The following NRXN1 variants were observed in gnomAD, a reference collection of about 807,000 sequenced individuals.
NRXN1 encodes neurexin 1.
Under a neutral mutation model 150.9 loss-of-function variants are expected in NRXN1, and 39 were observed. The observed-to-expected ratio is 0.26, with a 90% confidence interval of 0.20 to 0.34. NRXN1 has a LOEUF of 0.34. NRXN1 is among the 10% of genes least tolerant of loss of function. NRXN1 has a pLI of 1.00. For missense variants in NRXN1, 1,815 were observed against 1,949.9 expected (o/e 0.93, Z 1.30); for synonymous variants, 924 against 757.0 (o/e 1.22, Z -3.62).
At chr2:50,437,225 C>A (rs767934156) in intron 17 of NRXN1, among the ~76,000 whole-genome samples, 1 of 152,218 alleles carries the variant, frequency 6.6e-6, no homozygotes, top group South Asian at 2.1e-4. Context: ...ACACACTAGA[C>A]CTGCTCAAAT....
intron 5 of NRXN1, among the ~76,000 whole-genome samples, chr2:50,863,789 T>C (rs1676481951): frequency 6.6e-6 from 1 of 151,988 alleles, no homozygotes; most frequent in East Asian, 1.9e-4. Context: ...GAAACCCTAG[T>C]CAGACATTAA....
intron 21 of NRXN1, among the ~76,000 whole-genome samples, chr2:50,013,511 C>G (rs550505626): frequency 2.0e-5 from 3 of 151,956 alleles, no homozygotes; most frequent in Admixed American, 6.6e-5. Flanking sequence ...TAGCACCACA[C>G]GCTAATTGAT....
At chr2:50,203,691 G>A (rs866532256) in intron 18 of NRXN1, among the ~76,000 whole-genome samples, 2 of 151,990 alleles carry the variant, frequency 1.3e-5, no homozygotes, top group African/African-American at 4.8e-5. Context: ...CAGCTTTGTG[G>A]GCAGAAGAAA....
intron 17 of NRXN1, among the ~76,000 whole-genome samples, chr2:50,286,288 A>ACAC (rs2152938332): frequency 6.6e-6 from 1 of 152,170 alleles, no homozygotes; most frequent in East Asian, 1.9e-4. Flanking sequence ...AACTCCACCA[A>ACAC]CACCACCTCA....
intron 18 of NRXN1, among the ~76,000 whole-genome samples, chr2:50,194,247 G>A (rs1200639469): frequency 3.9e-5 from 6 of 151,978 alleles, no homozygotes; most frequent in African/African-American, 9.7e-5. Flanking sequence ...AATCTTACCC[G>A]TGCCTATACT....
intron 2 of NRXN1, among the ~76,000 whole-genome samples, chr2:51,015,603 T>A (rs1668540065): frequency 6.6e-6 from 1 of 151,920 alleles, no homozygotes; most frequent in African/African-American, 2.4e-5. Flanking sequence ...TCTGTACTTT[T>A]ATGAAGGAAA....
At chr2:50,639,281 CATG>C (rs1252924281) in intron 5 of NRXN1, among the ~76,000 whole-genome samples, 6 of 146,014 alleles carry the variant, frequency 4.1e-5, no homozygotes, top group Admixed American at 7.1e-5. Context: ...AGTGCAGTGG[CATG>C]ATCTCAGCTC....
chr2:50,204,859 G>C (rs898814752), intron 18 of NRXN1, among the ~76,000 whole-genome samples: 2 of 151,954 alleles, frequency 1.3e-5, no homozygotes, highest in Non-Finnish European at 2.9e-5. Context: ...TAAAACAAGA[G>C]TTTTAGTTCC....
At chr2:50,651,772 C>T (rs1559076280) in intron 5 of NRXN1, among the ~76,000 whole-genome samples, 2 of 151,988 alleles carry the variant, frequency 1.3e-5, no homozygotes, top group African/African-American at 4.8e-5. Flanking sequence ...GGGATTAGTA[C>T]AGCTTGTACT....
intron 5 of NRXN1, among the ~76,000 whole-genome samples, chr2:50,821,518 A>G (rs940321208): frequency 2.0e-5 from 3 of 152,188 alleles, no homozygotes; most frequent in African/African-American, 4.8e-5. Flanking sequence ...TGTAGTGATT[A>G]AGTGAGTTAA....
chr2:50,044,934 G>A (rs1057142703), intron 21 of NRXN1, among the ~76,000 whole-genome samples: 1 of 152,052 alleles, frequency 6.6e-6, no homozygotes, highest in Non-Finnish European at 1.5e-5. Flanking sequence ...GTTTTGTTTT[G>A]TTAATTACCA....
chr2:50,439,953 T>C (rs770137403), intron 17 of NRXN1, among the ~76,000 whole-genome samples: 1 of 152,210 alleles, frequency 6.6e-6, no homozygotes. Flanking sequence ...TTAGGCACTT[T>C]ATAAAAGGTA....
chr2:50,434,424 C>A (rs2085258194), intron 17 of NRXN1, among the ~76,000 whole-genome samples: 1 of 152,084 alleles, frequency 6.6e-6, no homozygotes, highest in South Asian at 2.1e-4. Flanking sequence ...CTTCACATGA[C>A]TTCATCTTGA....
chr2:50,451,951 T>C (rs1414816308), intron 17 of NRXN1, among the ~76,000 whole-genome samples: 1 of 152,198 alleles, frequency 6.6e-6, no homozygotes, highest in Non-Finnish European at 1.5e-5. Flanking sequence ...GTTTTTTAAT[T>C]ATGAAAAAGC....
intron 5 of NRXN1, among the ~76,000 whole-genome samples, chr2:50,877,724 A>G (rs1457013134): frequency 6.6e-6 from 1 of 151,898 alleles, no homozygotes; most frequent in Non-Finnish European, 1.5e-5. Flanking sequence ...GTTAATACAT[A>G]CTGGTGAACT....
At chr2:51,000,154 C>T (rs1048870737) in intron 2 of NRXN1, among the ~76,000 whole-genome samples, 11 of 151,972 alleles carry the variant, frequency 7.2e-5, no homozygotes, top group African/African-American at 2.7e-4. Flanking sequence ...CTGTTTCACT[C>T]ACATGGAGTA....
chr2:50,320,593 G>C (rs1001053986), intron 17 of NRXN1, among the ~76,000 whole-genome samples: 1 of 151,670 alleles, frequency 6.6e-6, no homozygotes, highest in African/African-American at 2.4e-5. Context: ...GCTTCCAAGA[G>C]GAACTAGAAA....
intron 21 of NRXN1, among the ~76,000 whole-genome samples, chr2:50,042,089 A>G (rs1438666608): frequency 1.3e-5 from 2 of 152,240 alleles, no homozygotes; most frequent in Non-Finnish European, 2.9e-5. Context: ...TTAAAAAACC[A>G]AACAACTGTA....
intron 17 of NRXN1, among the ~76,000 whole-genome samples, chr2:50,396,787 G>A (rs150686256): frequency 1.2e-4 from 18 of 152,116 alleles, no homozygotes; most frequent in African/African-American, 4.1e-4. Context: ...AATGTAAGAT[G>A]ATTTCTCAAA....
Sources: allele counts gnomAD v4.1 joint callset (sites outside exome capture counted in the v4.1 genomes callset), GRCh38; gene constraint gnomAD v4.1.1; transcripts MANE v1.5; gene names NCBI Gene and HGNC (gene_info 2026-07-23, HGNC 2026-07-21).